The following RAD51B variants were observed in gnomAD, a reference collection of about 807,000 sequenced individuals.
RAD51B encodes RAD51 paralog B.
RAD51B carries 38 observed loss-of-function variants against 42.2 expected under a neutral mutation model. The observed-to-expected ratio is 0.90, with a 90% CI of 0.70 to 1.18. The LOEUF is 1.18. Ranked by LOEUF, RAD51B falls within the 50% of genes most tolerant of loss-of-function variation. The pLI is 0.00. For missense variants in RAD51B, 373 were observed against 400.7 expected (o/e 0.93, Z 0.59); for synonymous variants, 154 against 145.2 (o/e 1.06, Z -0.43).
intron 10 of RAD51B, among the ~76,000 whole-genome samples, chr14:68,622,507 C>A (rs78760383): frequency 0.035 from 5,386 of 152,092 alleles, 298 homozygotes; most frequent in African/African-American, 0.12. Context: ...CACGGAAGGC[C>A]TTTCTGAGGT....
chr14:68,209,518 T>A (rs1015712021), intron 7 of RAD51B, among the ~76,000 whole-genome samples: 8 of 152,220 alleles, frequency 5.3e-5, no homozygotes, highest in Admixed American at 3.3e-4. Context: ...ATGAGCATTT[T>A]AAAATTTTCT....
At chr14:68,662,252 T>G (rs1374993783) in intron 11 of RAD51B, among the ~76,000 whole-genome samples, 1 of 152,238 alleles carries the variant, frequency 6.6e-6, no homozygotes, top group Non-Finnish European at 1.5e-5. Flanking sequence ...CACCCCTGAG[T>G]CTTTCACACC....
chr14:68,653,964 T>TA (rs1470922046), intron 11 of RAD51B, among the ~76,000 whole-genome samples: 5 of 152,262 alleles, frequency 3.3e-5, no homozygotes, highest in Admixed American at 2.0e-4. Context: ...CTGGCCCCAG[T>TA]GTCTAAAGGG....
At chr14:68,055,080 A>T (rs1195315715) in intron 7 of RAD51B, among the ~76,000 whole-genome samples, 1 of 152,168 alleles carries the variant, frequency 6.6e-6, no homozygotes, top group Non-Finnish European at 1.5e-5. Flanking sequence ...GTATTATAAT[A>T]ATCCCCCTTA....
chr14:68,588,771 T>A (rs1197999032), intron 10 of RAD51B, among the ~76,000 whole-genome samples: 2 of 152,210 alleles, frequency 1.3e-5, no homozygotes, highest in Non-Finnish European at 2.9e-5. Context: ...ATTGGAGTTT[T>A]AACCCACTTT....
At chr14:68,178,251 C>T (rs1471571745) in intron 7 of RAD51B, among the ~76,000 whole-genome samples, 1 of 152,112 alleles carries the variant, frequency 6.6e-6, no homozygotes, top group Non-Finnish European at 1.5e-5. Context: ...TATTGTTTTC[C>T]AGTGACCCAA....
At chr14:67,948,967 C>CATA (rs1046678040) in intron 7 of RAD51B, among the ~76,000 whole-genome samples, 2 of 116,270 alleles carry the variant, frequency 1.7e-5, no homozygotes, top group Non-Finnish European at 3.4e-5. Flanking sequence ...AAGCAATGTA[C>CATA]ATACCTTAAT....
chr14:68,474,615 C>G (rs1042872605), intron 10 of RAD51B, among the ~76,000 whole-genome samples: 1 of 152,208 alleles, frequency 6.6e-6, no homozygotes, highest in Non-Finnish European at 1.5e-5. Context: ...TCAGCCTGGG[C>G]TCCTAAGATT....
chr14:68,314,015 A>G (rs2082010653), intron 8 of RAD51B, among the ~76,000 whole-genome samples: 1 of 152,164 alleles, frequency 6.6e-6, no homozygotes, highest in African/African-American at 2.4e-5. Flanking sequence ...TGTGTGCCAG[A>G]GCAGTTCATC....
downstream of RAD51B, among the ~76,000 whole-genome samples, chr14:68,599,797 GAC>G (rs1381705269): frequency 6.6e-6 from 1 of 152,204 alleles, no homozygotes; most frequent in Non-Finnish European, 1.5e-5. Context: ...AGAAGGAAAA[GAC>G]AGAAATTCTG....
rs1194055518 is a variant in RAD51B, at chr14:68,611,283, C to T, written c.*36C>T. On this transcript the variant is annotated 3_prime_UTR_variant, in exon 11 of 11. Coordinates refer to the RAD51B transcript ENST00000487861. ...TTTTTCACCACGACTTCCAGATCTA[C>T]ATTTAACATCCGACAGCAACTATAA... 14 of 701,142 alleles carry T rather than the reference C, an allele frequency of 2.0e-5. No individual in the cohort carries two copies. In the East Asian group the frequency reaches 3.8e-4, roughly 19 times the overall value. The allele number at this position is 701,142 out of a possible 1,614,324, so 43.4% of individuals were successfully genotyped here. A position where few individuals can be genotyped will look rare whatever the true frequency, so the allele number is the denominator to read the frequency against.
intron 7 of RAD51B, among the ~76,000 whole-genome samples, chr14:68,199,167 T>A (rs1475456783): frequency 1.3e-5 from 2 of 152,232 alleles, no homozygotes; most frequent in African/African-American, 4.8e-5. Flanking sequence ...CAGTTTTCTG[T>A]ATTTTCTTTA....
At chr14:68,617,341 C>T (rs925457053) in intron 10 of RAD51B, among the ~76,000 whole-genome samples, 1 of 152,092 alleles carries the variant, frequency 6.6e-6, no homozygotes, top group Non-Finnish European at 1.5e-5. Context: ...GCATATGAAC[C>T]TCATTGGATC....
intron 7 of RAD51B, among the ~76,000 whole-genome samples, chr14:68,042,242 A>T (rs1414455020): frequency 6.6e-6 from 1 of 152,162 alleles, no homozygotes; most frequent in South Asian, 2.1e-4. Flanking sequence ...GTTATTTGAG[A>T]TGAGTAGAAG....
intron 7 of RAD51B, among the ~76,000 whole-genome samples, chr14:68,093,400 G>A (rs2077136905): frequency 6.6e-6 from 1 of 152,164 alleles, no homozygotes; most frequent in Middle Eastern, 3.2e-3. Context: ...ACTATTCAGA[G>A]ATTCAACTTC....
At chr14:68,571,661 C>T (rs941182335) in intron 10 of RAD51B, among the ~76,000 whole-genome samples, 16 of 152,180 alleles carry the variant, frequency 1.1e-4, no homozygotes, top group African/African-American at 3.9e-4. Flanking sequence ...TTCCCTTTTT[C>T]CTGTCAGGGA....
chr14:68,482,409 T>C (rs1056588215), downstream of RAD51B, among the ~76,000 whole-genome samples: 3 of 152,158 alleles, frequency 2.0e-5, no homozygotes, highest in African/African-American at 7.2e-5. Context: ...AAATGACTGC[T>C]CAGAGACAGG....
At chr14:68,310,537 G>C (rs980165619) in intron 8 of RAD51B, among the ~76,000 whole-genome samples, 3 of 152,096 alleles carry the variant, frequency 2.0e-5, no homozygotes, top group African/African-American at 7.2e-5. Flanking sequence ...AGGGGGAAGG[G>C]GGCAGTCTTT....
At chr14:68,245,976 G>A (rs1292560169) in intron 7 of RAD51B, among the ~76,000 whole-genome samples, 4 of 150,978 alleles carry the variant, frequency 2.6e-5, no homozygotes, top group African/African-American at 9.8e-5. Flanking sequence ...AAATGAATGA[G>A]ATACAACAAG....
Sources: allele counts gnomAD v4.1 joint callset (sites outside exome capture counted in the v4.1 genomes callset), GRCh38; gene constraint gnomAD v4.1.1; transcripts MANE v1.5; gene names NCBI Gene and HGNC (gene_info 2026-07-23, HGNC 2026-07-21).